The following GLIS3 variants were observed in gnomAD, a reference collection of about 807,000 sequenced individuals.
GLIS3 encodes zinc finger protein GLIS3.
GLIS3 carries 53 observed loss-of-function variants against 78.6 expected under a neutral mutation model. The observed-to-expected ratio is 0.67, with a 90% CI of 0.54 to 0.85. GLIS3 has a LOEUF of 0.85. Ranked by LOEUF, GLIS3 falls within the 40% of genes least tolerant of loss-of-function variation. The pLI is 0.00. For synonymous variants in GLIS3, 684 were observed against 509.9 expected, an observed-to-expected ratio of 1.34 and a Z score of -4.60; for missense variants, 1,703 against 1,231.1, an observed-to-expected ratio of 1.38 and a Z score of -5.74.
At chr9:4,163,747 C>G (rs1835681172) in intron 2 of GLIS3, among the ~76,000 whole-genome samples, 1 of 152,186 alleles carries the variant, frequency 6.6e-6, no homozygotes, top group Non-Finnish European at 1.5e-5. Flanking sequence ...TCACAGGATT[C>G]TTGAGAAAAT....
rs368773221 is a variant in GLIS3, at chr9:3,855,996, G to A, written c.2473+13C>T. The A allele has an allele frequency of 3.4e-5, 55 of 1,613,922 alleles. 1 individual carries two copies. The Middle Eastern group carries it at 3.6e-3, about 106-fold the overall frequency. ...CTTTTCAAAACTCAAGGGACTGCCA[G>A]CTTCTTGCTTACCATGGACATGGAT... On this transcript the variant is annotated intron_variant, in intron 9 of 10. Coordinates refer to ENST00000381971, the MANE Select transcript of GLIS3 (RefSeq NM_001042413.2).
the GLIS3 span, among the ~76,000 whole-genome samples, chr9:4,355,705 A>G: frequency 6.6e-6 from 1 of 152,182 alleles, no homozygotes; most frequent in African/African-American, 2.4e-5. Context: ...GGCTAATGTC[A>G]TATAGTTAAT....
intron 4 of GLIS3, among the ~76,000 whole-genome samples, chr9:4,014,423 T>C (rs957865086): frequency 6.6e-6 from 1 of 152,158 alleles, no homozygotes; most frequent in Non-Finnish European, 1.5e-5. Flanking sequence ...GAGGTCATAT[T>C]GAAGTAGGGT....
chr9:3,973,680 T>C (rs1333293346), intron 4 of GLIS3, among the ~76,000 whole-genome samples: 2 of 152,126 alleles, frequency 1.3e-5, no homozygotes, highest in African/African-American at 2.4e-5. Flanking sequence ...AATTTTTAAA[T>C]AAGCAGCAAA....
At position 3,953,046 on chromosome 9, in the gene GLIS3, G is replaced by C. The variant is rs926792759; in HGVS notation, c.1711-15857C>G. ...TTAATAAAGATGTATTCTTGGGCTG[G>C]TGAAGAGTCAAGTCACCACTTCTTG... On this transcript the variant is annotated intron_variant, in intron 4 of 10. Transcript: ENST00000381971. Among the ~76,000 whole-genome samples, 5 of 152,172 alleles carry C rather than the reference G, an allele frequency of 3.3e-5. No homozygotes were observed. The East Asian group carries it at 9.6e-4, about 29-fold the overall frequency.
At chr9:4,048,875 G>C (rs569137594) in intron 4 of GLIS3, among the ~76,000 whole-genome samples, 1 of 152,224 alleles carries the variant, frequency 6.6e-6, no homozygotes, top group East Asian at 1.9e-4. Flanking sequence ...AGGCAATGTA[G>C]ACCTCCTAAC....
intron 4 of GLIS3, among the ~76,000 whole-genome samples, chr9:4,057,692 C>T (rs963605726): frequency 7.1e-6 from 1 of 140,412 alleles, no homozygotes; most frequent in African/African-American, 2.5e-5. Flanking sequence ...TCCTAGAGAA[C>T]AGAAGAATGC....
chr9:4,397,674 G>GAGGA, the GLIS3 span, among the ~76,000 whole-genome samples: 1 of 4,904 alleles, frequency 2.0e-4, no homozygotes, highest in African/African-American at 3.7e-4. Context: ...GGAAGGGAGG[G>GAGGA]AGGAAGGGAG....
At chr9:4,218,444 A>G (rs77086872) in intron 2 of GLIS3, among the ~76,000 whole-genome samples, 1 of 152,168 alleles carries the variant, frequency 6.6e-6, no homozygotes, top group Admixed American at 6.5e-5. Context: ...ACACTCGACT[A>G]ATTTTTTGTA....
the GLIS3 span, among the ~76,000 whole-genome samples, chr9:4,481,351 G>C: frequency 6.6e-6 from 1 of 152,114 alleles, no homozygotes; most frequent in African/African-American, 2.4e-5. Context: ...GGGTATGGTG[G>C]TGTGTGCCTG....
At chr9:4,261,067 C>G (rs549957226) in intron 2 of GLIS3, among the ~76,000 whole-genome samples, 1 of 152,186 alleles carries the variant, frequency 6.6e-6, no homozygotes, top group African/African-American at 2.4e-5. Context: ...ATGTTTAAGC[C>G]CAAGCAGCAA....
chr9:4,108,171 T>G (rs113100126), intron 4 of GLIS3, among the ~76,000 whole-genome samples: 78 of 152,312 alleles, frequency 5.1e-4, no homozygotes, highest in African/African-American at 1.8e-3. Context: ...CATAGTCACT[T>G]TCTTTCACCT....
intron 2 of GLIS3, among the ~76,000 whole-genome samples, chr9:4,141,450 C>T (rs1035772785): frequency 6.6e-6 from 1 of 152,188 alleles, no homozygotes; most frequent in Non-Finnish European, 1.5e-5. Flanking sequence ...GGTCAAAGGG[C>T]ATCTCAGCAG....
rs537787293 is a variant in GLIS3, at chr9:4,029,488, C to A, written c.1710+88280G>T. On this transcript the variant is annotated intron_variant, in intron 4 of 10. Coordinates refer to ENST00000381971, the MANE Select transcript of GLIS3 (RefSeq NM_001042413.2). ...CCAATTAAACTTATTTAAAAATGTACAATTAAATTATTGACTATGGTGACA... is the reference window on the plus strand; with the variant it reads ...CCAATTAAACTTATTTAAAAATGTAAAATTAAATTATTGACTATGGTGACA... Among the ~76,000 whole-genome samples, 95 of 152,224 alleles carry A rather than the reference C, an allele frequency of 6.2e-4. 1 individual carries two copies. Among genetic ancestry groups the A allele is most frequent in the African/African-American group, 2.3e-3 (94 of 41,532 alleles).
At chr9:4,340,959 G>A (rs1000499167) in intron 2 of GLIS3, among the ~76,000 whole-genome samples, 2 of 152,170 alleles carry the variant, frequency 1.3e-5, no homozygotes, top group Non-Finnish European at 2.9e-5. Flanking sequence ...TTATAGGTGT[G>A]AGCCACCGTG....
intron 2 of GLIS3, among the ~76,000 whole-genome samples, chr9:4,203,136 C>G (rs1819557204): frequency 6.6e-6 from 1 of 152,136 alleles, no homozygotes. Flanking sequence ...AAGCAAAAAA[C>G]AATCCCATTT....
intron 9 of GLIS3, among the ~76,000 whole-genome samples, chr9:3,840,499 A>G (rs1818644654): frequency 6.6e-6 from 1 of 152,138 alleles, no homozygotes; most frequent in East Asian, 1.9e-4. Context: ...AGGAAGACAG[A>G]TTTTTCTGCG....
At chr9:3,876,211 T>C (rs1352652565) in intron 8 of GLIS3, among the ~76,000 whole-genome samples, 1 of 152,172 alleles carries the variant, frequency 6.6e-6, no homozygotes, top group Non-Finnish European at 1.5e-5. Flanking sequence ...CCTGGAACAC[T>C]GTGTAAAATA....
chr9:3,868,019 T>A (rs1445350), intron 8 of GLIS3, among the ~76,000 whole-genome samples: 23,117 of 141,924 alleles, frequency 0.16, 2,010 homozygotes, highest in Non-Finnish European at 0.21. Flanking sequence ...GATGTCAACA[T>A]GCAGGCTGAT....
Sources: allele counts gnomAD v4.1 joint callset (sites outside exome capture counted in the v4.1 genomes callset), GRCh38; gene constraint gnomAD v4.1.1; transcripts MANE v1.5; gene names NCBI Gene and HGNC (gene_info 2026-07-23, HGNC 2026-07-21).